Variants in PKNOX2 observed in about 807,000 individuals in gnomAD.
The protein encoded by PKNOX2 is PBX/knotted 1 homeobox 2, also known as homeobox protein PKNOX2.
In PKNOX2, 14 loss-of-function variants were observed where a neutral mutation model predicts 53.1. The ratio of observed to expected loss-of-function variants is 0.26; its 90% CI spans 0.17 to 0.41. The LOEUF (loss-of-function observed/expected upper bound fraction) is 0.41. PKNOX2 is among the 10% of genes least tolerant of loss of function. PKNOX2 has a pLI of 1.00. For synonymous variants in PKNOX2, 257 were observed against 242.8 expected, an observed-to-expected ratio of 1.06 and a Z score of -0.54; for missense variants, 496 against 602.8, an observed-to-expected ratio of 0.82 and a Z score of 1.85.
Position 125,188,956 on chromosome 11 carries a change from G to A in PKNOX2, c.-201+24180G>A, listed in dbSNP as rs184981020. ...AAAGTCCTGAGGTTTTCTGAGTCCCGTGCTGGTGCTAATTCCCAGTGTGGA... is the reference window on the plus strand; with the variant it reads ...AAAGTCCTGAGGTTTTCTGAGTCCCATGCTGGTGCTAATTCCCAGTGTGGA... On this transcript the variant is annotated intron_variant, in intron 1 of 12. Transcript: ENST00000298282. Among the ~76,000 whole-genome samples the A allele has an allele frequency of 4.0e-3, 612 of 152,030 alleles. 3 individuals carry two copies. The highest frequency in any genetic ancestry group is 0.014 in the African/African-American group (574 of 41,468).
chr11:125,413,080 T>C (rs949302567), intron 10 of PKNOX2, among the ~76,000 whole-genome samples: 4 of 152,180 alleles, frequency 2.6e-5, no homozygotes, highest in Non-Finnish European at 5.9e-5. Flanking sequence ...CCCAAAAGTG[T>C]TCCCTCGCCT....
chr11:125,213,217 C>T (rs141212000), intron 1 of PKNOX2, among the ~76,000 whole-genome samples: 2 of 152,030 alleles, frequency 1.3e-5, no homozygotes, highest in African/African-American at 2.4e-5. Context: ...TTCTTCACAT[C>T]TGCCACCTCT....
At chr11:125,169,573 T>A (rs2135181855) in intron 1 of PKNOX2, among the ~76,000 whole-genome samples, 1 of 152,336 alleles carries the variant, frequency 6.6e-6, no homozygotes, top group South Asian at 2.1e-4. Context: ...CAGGGCTGCA[T>A]GACTCCAGTG....
At chr11:125,254,135 G>A (rs1944218902) in intron 2 of PKNOX2, among the ~76,000 whole-genome samples, 2 of 152,190 alleles carry the variant, frequency 1.3e-5, no homozygotes, top group South Asian at 2.1e-4. Context: ...GAAGGGAAGA[G>A]GTGTACACAT....
chr11:125,242,755 C>G (rs1348880000), intron 2 of PKNOX2, among the ~76,000 whole-genome samples: 1 of 151,846 alleles, frequency 6.6e-6, no homozygotes, highest in Non-Finnish European at 1.5e-5. Context: ...AGTTTTAGTG[C>G]CCTGCTTGTT....
intron 5 of PKNOX2, among the ~76,000 whole-genome samples, chr11:125,369,182 G>A (rs1591545063): frequency 6.6e-6 from 1 of 152,322 alleles, no homozygotes; most frequent in East Asian, 1.9e-4. Context: ...ACCAACAGTT[G>A]AGGGTCCAGA....
At chr11:125,262,311 T>C (rs1944921326) in intron 2 of PKNOX2, among the ~76,000 whole-genome samples, 1 of 152,034 alleles carries the variant, frequency 6.6e-6, no homozygotes, top group Non-Finnish European at 1.5e-5. Context: ...GAACAGACCA[T>C]GAGGAATGAA....
intron 1 of PKNOX2, among the ~76,000 whole-genome samples, chr11:125,186,998 C>G (rs1016610558): frequency 6.6e-6 from 1 of 152,172 alleles, no homozygotes; most frequent in Non-Finnish European, 1.5e-5. Context: ...ACTTGCCACC[C>G]TTGCCGAAGA....
chr11:125,272,042 A>G (rs1391218629), intron 2 of PKNOX2, among the ~76,000 whole-genome samples: 1 of 152,222 alleles, frequency 6.6e-6, no homozygotes, highest in Non-Finnish European at 1.5e-5. Flanking sequence ...GCCCAGAGCC[A>G]CTCGGTGCCT....
intron 2 of PKNOX2, among the ~76,000 whole-genome samples, chr11:125,266,133 A>T (rs557835549): frequency 1.3e-5 from 2 of 152,224 alleles, no homozygotes; most frequent in African/African-American, 4.8e-5. Flanking sequence ...GTTGAATGAT[A>T]TGATAAATGT....
chr11:125,430,080 C>A lies in PKNOX2; in HGVS notation c.1131C>A (p.Pro377=), dbSNP rs1956622915. The change falls in exon 12 of 13, where the codon CCC becomes CCA. Residue 377 remains proline (P), a synonymous_variant. Transcript: ENST00000298282. ...SQHRPTQRFW[P]NSIAAGVLQQ... ...ACCGGCCCACCCAAAGATTCTGGCC[C>A]AACTCCATCGCTGCGGGGGTGCTGC... is the stretch of plus-strand genomic sequence containing the variant. 1.9e-6 allele frequency: 3 copies of A among 1,614,180 alleles called. No homozygotes were observed. The South Asian group carries it at 3.3e-5, about 18-fold the overall frequency.
rs55812201 is a variant in PKNOX2 at position 125,178,676 on chromosome 11, A to AAG, written c.-201+13922_-201+13923dup. 1.7e-3 allele frequency among the ~76,000 whole-genome samples: 165 copies of AAG among 98,868 alleles called. 4 individuals carry two copies. Among genetic ancestry groups the AAG allele is most frequent in the Admixed American group, 3.8e-3 (44 of 11,678 alleles). The allele number at this position is 98,868 out of a possible 152,430, so 64.9% of individuals were successfully genotyped here. A position where few individuals can be genotyped will look rare whatever the true frequency, so the allele number is the denominator to read the frequency against. ...AAGGAAGGAAGGAAGGAAGGAAAGA[A>AAG]AGAGAGAGAGAGAGAGAGAGAGAAA... On this transcript the variant is annotated intron_variant, in intron 1 of 12. Transcript: ENST00000298282.
chr11:125,243,870 C>T (rs1318018616), intron 2 of PKNOX2, among the ~76,000 whole-genome samples: 3 of 152,204 alleles, frequency 2.0e-5, no homozygotes, highest in African/African-American at 7.2e-5. Flanking sequence ...AATCTGCCTG[C>T]CTTGGCCTCC....
chr11:125,360,335 T>G (rs1226313667), intron 4 of PKNOX2, among the ~76,000 whole-genome samples: 1 of 152,034 alleles, frequency 6.6e-6, no homozygotes, highest in Non-Finnish European at 1.5e-5. Flanking sequence ...GGGATTTGGA[T>G]TTGATTCAGA....
chr11:125,227,832 G>A lies in PKNOX2; in HGVS notation c.-200-7213G>A, dbSNP rs927493905. On this transcript the variant is annotated intron_variant, in intron 1 of 12. Transcript: ENST00000298282. ...AATATTCATTTTCTTCATTAACGCC[G>A]TTTGAGCAACTACTGACCTCACTGG... 5.9e-5 allele frequency among the ~76,000 whole-genome samples: 9 copies of A among 152,178 alleles called. No individual in the cohort carries two copies. The South Asian group carries it at 6.2e-4, about 10-fold the overall frequency.
intron 6 of PKNOX2, among the ~76,000 whole-genome samples, chr11:125,389,062 G>A (rs1425250770): frequency 6.6e-6 from 1 of 152,170 alleles, no homozygotes; most frequent in African/African-American, 2.4e-5. Flanking sequence ...AGGTGTGGTG[G>A]TACATGTCTG....
At chr11:125,362,512 T>A (rs1951979616) in intron 4 of PKNOX2, among the ~76,000 whole-genome samples, 1 of 152,160 alleles carries the variant, frequency 6.6e-6, no homozygotes, top group South Asian at 2.1e-4. Context: ...TAGCTGAGAC[T>A]ACAGGCACCA....
intron 3 of PKNOX2, among the ~76,000 whole-genome samples, chr11:125,344,813 C>G (rs993465228): frequency 6.6e-6 from 1 of 152,248 alleles, no homozygotes; most frequent in South Asian, 2.1e-4. Flanking sequence ...GTGCTGGGTG[C>G]GGTGTGCCCT....
intron 2 of PKNOX2, among the ~76,000 whole-genome samples, chr11:125,261,157 G>A (rs1591501766): frequency 2.6e-5 from 4 of 152,200 alleles, no homozygotes; most frequent in South Asian, 2.1e-4. Flanking sequence ...TGGGTCCTGG[G>A]TTATAGCCTA....
Sources: allele counts gnomAD v4.1 joint callset (sites outside exome capture counted in the v4.1 genomes callset), GRCh38; gene constraint gnomAD v4.1.1; transcripts MANE v1.5; gene names NCBI Gene and HGNC (gene_info 2026-07-23, HGNC 2026-07-21).